RASGRF2: variants seen among roughly 807,000 people sequenced by gnomAD.
The protein encoded by RASGRF2 is Ras protein specific guanine nucleotide releasing factor 2.
RASGRF2 carries 76 observed loss-of-function variants against 151.0 expected under a neutral mutation model. The ratio of observed to expected loss-of-function variants is 0.50; its 90% CI spans 0.42 to 0.61. The LOEUF is 0.61. Among genes scored for constraint, RASGRF2 ranks in the 20% least tolerant of loss-of-function variants. The pLI, the probability that RASGRF2 is intolerant of heterozygous loss-of-function variation, is 0.00. For synonymous variants in RASGRF2, 504 were observed against 566.5 expected, an observed-to-expected ratio of 0.89 and a Z score of 1.57; for missense variants, 1,148 against 1,564.6, an observed-to-expected ratio of 0.73 and a Z score of 4.49.
chr5:81,217,488 A>C lies in RASGRF2; in HGVS notation c.3552+15A>C. ...AAATGAGAATGGTAGGTATAATTTC[A>C]TAATTAGCCTGTTTCAATGGCTTTA... is the stretch of plus-strand genomic sequence containing the variant. On this transcript the variant is annotated intron_variant, in intron 25 of 26. Transcript: ENST00000265080. 1.1e-5 allele frequency: 17 copies of C among 1,602,220 alleles called. No homozygotes were observed. Among genetic ancestry groups the C allele is most frequent in the Non-Finnish European group, 1.4e-5 (16 of 1,173,310 alleles).
intron 15 of RASGRF2, among the ~76,000 whole-genome samples, chr5:81,122,180 C>T (rs10054395): frequency 0.032 from 4,912 of 152,226 alleles, 293 homozygotes; most frequent in African/African-American, 0.11. Flanking sequence ...AGTCAGGGTC[C>T]ATCCAGCTTT....
At position 81,112,204 on chromosome 5, in the gene RASGRF2, G is replaced by A. The variant is rs78325657; in HGVS notation, c.1839-406G>A. Among the ~76,000 whole-genome samples, 695 of 152,048 alleles carry A rather than the reference G, an allele frequency of 4.6e-3. 8 individuals carry two copies. Among genetic ancestry groups the A allele is most frequent in the African/African-American group, 0.016 (666 of 41,466 alleles). On this transcript the variant is annotated intron_variant, in intron 13 of 26. Coordinates refer to ENST00000265080, the MANE Select transcript of RASGRF2 (RefSeq NM_006909.3). ...GCCCTCTACCTACCAGTCAACCGCA[G>A]ATCCAAAATATTTGGAAGAAAGAAA...
At chr5:81,129,328 T>A (rs1753554220) in intron 17 of RASGRF2, among the ~76,000 whole-genome samples, 1 of 152,172 alleles carries the variant, frequency 6.6e-6, no homozygotes, top group African/African-American at 2.4e-5. Context: ...TGAACCAATA[T>A]TCACAATAGT....
intron 2 of RASGRF2, among the ~76,000 whole-genome samples, chr5:81,055,689 A>T (rs962311985): frequency 6.6e-5 from 10 of 152,272 alleles, no homozygotes; most frequent in Non-Finnish European, 1.2e-4. Flanking sequence ...TGATTGGAAT[A>T]GTTTCAGAAG....
At chr5:81,110,925 C>T (rs574234731) in intron 13 of RASGRF2, among the ~76,000 whole-genome samples, 4 of 152,286 alleles carry the variant, frequency 2.6e-5, no homozygotes, top group South Asian at 2.1e-4. Flanking sequence ...CTCAAGCTAA[C>T]GGGCCACCCC....
At chr5:81,213,448 C>T (rs1335675541) in intron 23 of RASGRF2, among the ~76,000 whole-genome samples, 1 of 152,182 alleles carries the variant, frequency 6.6e-6, no homozygotes, top group South Asian at 2.1e-4. Context: ...TCTGCCTAAC[C>T]CTCCCCTGCC....
intron 26 of RASGRF2, among the ~76,000 whole-genome samples, chr5:81,223,751 AG>A (rs561937607): frequency 1.4e-3 from 213 of 152,274 alleles, no homozygotes; most frequent in African/African-American, 4.9e-3. Flanking sequence ...TACGAGATAA[AG>A]AAGGCACTCA....
chr5:81,179,267 A>T (rs1408135138), intron 17 of RASGRF2, among the ~76,000 whole-genome samples: 1 of 152,220 alleles, frequency 6.6e-6, no homozygotes, highest in African/African-American at 2.4e-5. Flanking sequence ...AATCGTAGCT[A>T]ACATTTATTA....
At chr5:81,160,812 T>C (rs1057336264) in intron 17 of RASGRF2, among the ~76,000 whole-genome samples, 1 of 149,652 alleles carries the variant, frequency 6.7e-6, no homozygotes, top group Non-Finnish European at 1.5e-5. Context: ...TTGAGGCTCC[T>C]GTGAACTATG....
intron 2 of RASGRF2, among the ~76,000 whole-genome samples, chr5:81,055,316 A>T (rs961975923): frequency 7.9e-5 from 12 of 152,250 alleles, no homozygotes; most frequent in African/African-American, 2.6e-4. Flanking sequence ...TACCTAATTT[A>T]TTGAGAGTTT....
chr5:81,024,086 A>T (rs571942718), intron 1 of RASGRF2, among the ~76,000 whole-genome samples: 1 of 152,174 alleles, frequency 6.6e-6, no homozygotes, highest in South Asian at 2.1e-4. Flanking sequence ...TATGGGGCTC[A>T]TGACTGTCTG....
At chr5:81,073,599 A>G in intron 5 of RASGRF2, 147 bp downstream of exon 5, 3 of 802,052 alleles carry the variant, frequency 3.7e-6, no homozygotes, top group Non-Finnish European at 5.2e-6. Flanking sequence ...CTTGTGTTCC[A>G]TTGTTATTTT....
intron 5 of RASGRF2, among the ~76,000 whole-genome samples, chr5:81,078,163 T>C (rs750024248): frequency 1.3e-4 from 20 of 152,222 alleles, no homozygotes; most frequent in Non-Finnish European, 2.1e-4. Context: ...GTATATGTTA[T>C]AGTTTGATAT....
At chr5:81,012,552 G>C (rs1320602408) in intron 1 of RASGRF2, among the ~76,000 whole-genome samples, 1 of 152,112 alleles carries the variant, frequency 6.6e-6, no homozygotes, top group Non-Finnish European at 1.5e-5. Context: ...CGCCTTCAGA[G>C]TCACTACAGC....
At chr5:81,136,195 A>G (rs1753749387) in intron 17 of RASGRF2, among the ~76,000 whole-genome samples, 3 of 152,160 alleles carry the variant, frequency 2.0e-5, no homozygotes. Flanking sequence ...TAAGAAAAAC[A>G]AAAGATTTTC....
At chr5:81,192,429 G>A (rs566380597) in intron 18 of RASGRF2, among the ~76,000 whole-genome samples, 3 of 152,258 alleles carry the variant, frequency 2.0e-5, no homozygotes, top group South Asian at 4.1e-4. Context: ...GAACAATGAG[G>A]CTTTTAAAAT....
chr5:81,118,971 T>G (rs1403136206), intron 15 of RASGRF2, among the ~76,000 whole-genome samples: 1 of 152,218 alleles, frequency 6.6e-6, no homozygotes, highest in East Asian at 1.9e-4. Context: ...TTGCCTTTAC[T>G]ATTCATATTT....
intron 18 of RASGRF2, among the ~76,000 whole-genome samples, chr5:81,191,361 C>CT (rs1274539317): frequency 6.6e-6 from 1 of 152,108 alleles, no homozygotes. Context: ...TCCTGTAACT[C>CT]TAAGTGCATC....
At chr5:81,031,832 T>C (rs560040317) in intron 1 of RASGRF2, among the ~76,000 whole-genome samples, 2 of 151,728 alleles carry the variant, frequency 1.3e-5, no homozygotes, top group African/African-American at 4.8e-5. Flanking sequence ...AGACATAAAA[T>C]ACCCTTCAAA....
Sources: gnomAD v4.1 joint callset for allele counts (sites outside exome capture counted in the v4.1 genomes callset) on GRCh38, gnomAD v4.1.1 for gene constraint, MANE v1.5 for transcripts, NCBI Gene and HGNC (gene_info 2026-07-23, HGNC 2026-07-21) for gene names.